Variants in DNAH11 observed in about 807,000 individuals in gnomAD.
DNAH11 encodes dynein axonemal heavy chain 11.
A neutral mutation model predicts 526.0 loss-of-function variants in DNAH11; 442 were observed. The ratio of observed to expected loss-of-function variants is 0.84; its 90% CI spans 0.78 to 0.91. The LOEUF is 0.91. DNAH11 is among the 40% of genes least tolerant of loss of function. The pLI is 0.00. For missense variants in DNAH11, 6,989 were observed against 5,448.7 expected (o/e 1.28, Z -8.90); for synonymous variants, 2,461 against 1,935.9 (o/e 1.27, Z -7.12).
Position 21,606,657 on chromosome 7 carries a change from C to T in DNAH11, c.3776C>T (p.Ala1259Val). 1 of 1,536,954 alleles carries T rather than the reference C, an allele frequency of 6.5e-7. No homozygotes were observed. Among genetic ancestry groups the T allele is most frequent in the Non-Finnish European group, 8.8e-7 (1 of 1,134,260 alleles). The change falls in exon 20 of 82, where the codon GCA (alanine) becomes GTA (valine). Residue 1259 changes from alanine (A) to valine (V), a missense_variant. Physicochemically the swap from Ala to Val is moderately conservative, Grantham distance 64 (BLOSUM62 0). Coordinates refer to ENST00000409508, the MANE Select transcript of DNAH11 (RefSeq NM_001277115.2). Reference protein sequence around the residue: ...KKCILFDAKQAEFRERFRHYA... With the variant: ...KKCILFDAKQVEFRERFRHYA... ...TTTTGCAATGATCAGGCAAAGCAGG[C>T]AGAGTTCAGAGAGAGATTCAGACAC...
chr7:21,711,667 C>T (rs780191624), intron 41 of DNAH11, 45 bp from the exon 42 acceptor site: 26 of 1,586,206 alleles, frequency 1.6e-5, no homozygotes, highest in Middle Eastern at 3.4e-4. Flanking sequence ...TGGATGTTTG[C>T]GGCATTGCTT....
At chr7:21,704,734 T>C (rs1466590920) in intron 38 of DNAH11, 106 bp downstream of exon 38, 26 of 1,267,048 alleles carry the variant, frequency 2.1e-5, no homozygotes, top group Non-Finnish European at 2.1e-5. Flanking sequence ...CTAACCTTAA[T>C]AGGATCTTAA....
At position 21,560,985 on chromosome 7, in the gene DNAH11, G is replaced by A. The variant is rs574281336; in HGVS notation, c.883-86G>A. ...TACTGTATCACTTGTGAGTGAAATG[G>A]AATTTAAATATTTTATTACAGAATG... is the stretch of plus-strand genomic sequence containing the variant. On this transcript the variant is annotated intron_variant, in intron 4 of 81. Coordinates refer to ENST00000409508, the MANE Select transcript of DNAH11 (RefSeq NM_001277115.2). 9.1e-5 allele frequency: 85 copies of A among 931,596 alleles called. 2 individuals carry two copies. The South Asian group carries it at 1.2e-3, about 13-fold the overall frequency. The allele number at this position is 931,596 out of a possible 1,614,324, so 57.7% of individuals were successfully genotyped here.
rs572766230 is a variant in DNAH11, at chr7:21,796,249, G to A, written c.10027-4888G>A. ...TGATTAAGGCAAACGTAGATTCAGT[G>A]GGCCCTAGCAGAATAAACTAGCCCC... On this transcript the variant is annotated intron_variant, in intron 61 of 81. Coordinates refer to ENST00000409508, the MANE Select transcript of DNAH11 (RefSeq NM_001277115.2). Among the ~76,000 whole-genome samples the A allele has an allele frequency of 2.6e-5, 4 of 152,284 alleles. No individual in the cohort carries two copies. In the South Asian group the frequency reaches 6.2e-4, roughly 24 times the overall value.
intron 63 of DNAH11, among the ~76,000 whole-genome samples, chr7:21,813,390 A>G (rs546585867): frequency 6.6e-6 from 1 of 152,316 alleles, no homozygotes; most frequent in Admixed American, 6.5e-5. Flanking sequence ...TAAAATAGAG[A>G]TATCTACCTT....
At chr7:21,808,114 C>A in intron 63 of DNAH11, 65 bp downstream of exon 63, 2 of 1,279,550 alleles carry the variant, frequency 1.6e-6, no homozygotes, top group South Asian at 5.8e-5. Context: ...GTAGTAAAAC[C>A]CACATATATG....
At chr7:21,594,006 T>C (rs984161763) in intron 14 of DNAH11, among the ~76,000 whole-genome samples, 1 of 148,922 alleles carries the variant, frequency 6.7e-6, no homozygotes, top group African/African-American at 2.5e-5. Flanking sequence ...CTCTCACATA[T>C]CACACACACA....
At chr7:21,862,204 C>T (rs565105088) in intron 69 of DNAH11, among the ~76,000 whole-genome samples, 181 bp downstream of exon 69, 6 of 151,736 alleles carry the variant, frequency 4.0e-5, no homozygotes, top group African/African-American at 1.5e-4. Flanking sequence ...CAGCCTTCTC[C>T]TAGGTCCCAG....
intron 15 of DNAH11, 38 bp from the exon 16 acceptor site, chr7:21,600,638 G>T (rs1249934798): frequency 6.5e-7 from 1 of 1,540,644 alleles, no homozygotes; most frequent in Non-Finnish European, 8.7e-7. Context: ...AAGTAAGGTT[G>T]GTTTGAATAG....
intron 8 of DNAH11, among the ~76,000 whole-genome samples, chr7:21,580,019 C>T (rs76940851): frequency 0.041 from 6,172 of 152,170 alleles, 137 homozygotes; most frequent in South Asian, 0.062. Flanking sequence ...AGAAGAGCAG[C>T]TTTGTAGAGA....
intron 30 of DNAH11, among the ~76,000 whole-genome samples, chr7:21,678,940 G>T (rs1783026339): frequency 6.6e-6 from 1 of 152,152 alleles, no homozygotes; most frequent in Admixed American, 6.5e-5. Flanking sequence ...CGTGTTCATT[G>T]CAGCTTTATT....
chr7:21,639,050 A>G lies in DNAH11; in HGVS notation c.4929A>G (p.Gly1643=), dbSNP rs781293142. 1.2e-6 allele frequency: 2 copies of G among 1,612,986 alleles called. No homozygotes were observed. Among genetic ancestry groups the G allele is most frequent in the East Asian group, 4.5e-5 (2 of 44,864 alleles). Residue 1643 remains glycine, a synonymous_variant, in exon 28 of 82, where the codon GGA becomes GGG. Coordinates refer to ENST00000409508, the MANE Select transcript of DNAH11 (RefSeq NM_001277115.2). ...SADLLDILSK[G]AQPKQVTCHL... is the part of the protein sequence containing the mutation. ...ATTTACTTGACATTCTCTCAAAAGG[A>G]GCTCAGCCTAAACAGGTAATATTTT...
chr7:21,620,065 T>A lies in DNAH11; in HGVS notation c.4487T>A (p.Leu1496Gln), dbSNP rs2128454192. Residue 1496 changes from leucine (L) to glutamine (Q), a missense_variant, in exon 25 of 82, where the codon CTA (leucine) becomes CAA (glutamine). Leu to Gln is a moderately radical substitution (Grantham distance 113, BLOSUM62 -2). Transcript: ENST00000409508. The stretch of plus-strand genomic sequence containing the variant: ...TCTGATGAACAACTTTTTGAAACTC[T>A]AGAGCACAACCAAGTAAGATGGATA... ...LKSDEQLFET[L>Q]EHNQVQLQTL... is the part of the protein sequence containing the mutation. 1.9e-6 allele frequency: 3 copies of A among 1,593,300 alleles called. No individual in the cohort carries two copies. In the East Asian group the frequency reaches 6.8e-5, roughly 36 times the overall value.
At chr7:21,778,787 A>G (rs1432020803) in intron 56 of DNAH11, among the ~76,000 whole-genome samples, 171 bp from the exon 57 acceptor site, 1 of 152,210 alleles carries the variant, frequency 6.6e-6, no homozygotes, top group Non-Finnish European at 1.5e-5. Context: ...TCATGTGGAG[A>G]AAAACAATGT....
At chr7:21,879,388 C>T (rs1356516752) in intron 74 of DNAH11, among the ~76,000 whole-genome samples, 1 of 151,762 alleles carries the variant, frequency 6.6e-6, no homozygotes, top group Non-Finnish European at 1.5e-5. Context: ...ACCCTGGAGG[C>T]GGAGGTTGCA....
At chr7:21,641,229 C>T (rs1787113677) in intron 28 of DNAH11, among the ~76,000 whole-genome samples, 1 of 152,290 alleles carries the variant, frequency 6.6e-6, no homozygotes, top group Non-Finnish European at 1.5e-5. Flanking sequence ...TCTCCTATTC[C>T]TCTTCCTTGA....
chr7:21,658,528 C>T (rs1782113839), intron 29 of DNAH11, among the ~76,000 whole-genome samples: 1 of 152,104 alleles, frequency 6.6e-6, no homozygotes, highest in Non-Finnish European at 1.5e-5. Flanking sequence ...AACCCCTTTT[C>T]TGTTTAGGCT....
chr7:21,714,190 G>A (rs1006505976), intron 42 of DNAH11, among the ~76,000 whole-genome samples: 6 of 152,148 alleles, frequency 3.9e-5, no homozygotes, highest in Non-Finnish European at 7.3e-5. Flanking sequence ...CAAAGGTCAC[G>A]GGTTGGCTAA....
At chr7:21,618,632 T>G (rs1286240978) in intron 23 of DNAH11, among the ~76,000 whole-genome samples, 1 of 152,174 alleles carries the variant, frequency 6.6e-6, no homozygotes, top group African/African-American at 2.4e-5. Context: ...CTATTTTTTT[T>G]GCCAATGAAC....
Sources: allele counts gnomAD v4.1 joint callset (sites outside exome capture counted in the v4.1 genomes callset), GRCh38; gene constraint gnomAD v4.1.1; transcripts MANE v1.5; gene names NCBI Gene and HGNC (gene_info 2026-07-23, HGNC 2026-07-21).